ADGRB3: variants seen among roughly 807,000 people sequenced by gnomAD.
ADGRB3 encodes the protein brain-specific angiogenesis inhibitor 3.
In ADGRB3, 37 loss-of-function variants were observed where a neutral mutation model predicts 193.4. The observed-to-expected ratio is 0.19, with a 90% CI of 0.15 to 0.25. The LOEUF (loss-of-function observed/expected upper bound fraction) is 0.25. Among genes scored for constraint, ADGRB3 ranks in the 10% least tolerant of loss-of-function variants. ADGRB3 has a pLI of 1.00. For missense variants in ADGRB3, 1,637 were observed against 1,852.9 expected (o/e 0.88, Z 2.14); for synonymous variants, 690 against 644.2 (o/e 1.07, Z -1.08).
intron 3 of ADGRB3, among the ~76,000 whole-genome samples, chr6:68,855,394 T>C (rs1764953277): frequency 6.6e-6 from 1 of 151,640 alleles, no homozygotes; most frequent in East Asian, 1.9e-4. Flanking sequence ...TTAAACACTT[T>C]AGGGGAAAAA....
chr6:68,671,144 A>G (rs745733557), intron 3 of ADGRB3, among the ~76,000 whole-genome samples: 1 of 151,896 alleles, frequency 6.6e-6, no homozygotes, highest in Non-Finnish European at 1.5e-5. Flanking sequence ...TATCAGTTCT[A>G]ATTGTTTTCT....
chr6:69,214,193 T>C (rs567520126), intron 17 of ADGRB3, among the ~76,000 whole-genome samples: 55 of 152,196 alleles, frequency 3.6e-4, no homozygotes, highest in Admixed American at 1.6e-3. Context: ...TGGACAGGAA[T>C]ATGCAGGAGG....
At chr6:69,088,275 G>T (rs1310057971) in intron 17 of ADGRB3, among the ~76,000 whole-genome samples, 1 of 152,068 alleles carries the variant, frequency 6.6e-6, no homozygotes, top group East Asian at 1.9e-4. Context: ...CAAGTTTTAT[G>T]TATCAATATA....
chr6:69,025,954 G>A (rs906612541), intron 13 of ADGRB3, among the ~76,000 whole-genome samples: 9 of 152,160 alleles, frequency 5.9e-5, no homozygotes, highest in African/African-American at 2.2e-4. Flanking sequence ...TGTGTAATGG[G>A]CTTTCTTGCA....
At chr6:69,134,397 T>G (rs1179970715) in intron 17 of ADGRB3, among the ~76,000 whole-genome samples, 1 of 152,118 alleles carries the variant, frequency 6.6e-6, no homozygotes, top group Non-Finnish European at 1.5e-5. Flanking sequence ...ACACATTACA[T>G]TGTTGTCTCA....
chr6:69,012,247 C>T (rs1282291999), intron 11 of ADGRB3, among the ~76,000 whole-genome samples: 2 of 151,796 alleles, frequency 1.3e-5, no homozygotes, highest in Non-Finnish European at 2.9e-5. Context: ...AATGGAGATG[C>T]AGTTGCACAA....
At chr6:68,787,620 T>G (rs921332003) in intron 3 of ADGRB3, among the ~76,000 whole-genome samples, 4 of 152,278 alleles carry the variant, frequency 2.6e-5, no homozygotes, top group Non-Finnish European at 5.9e-5. Context: ...ATTCTGTTTT[T>G]TGGTTGTGTC....
intron 3 of ADGRB3, among the ~76,000 whole-genome samples, chr6:68,905,092 G>T (rs1254032178): frequency 2.0e-5 from 3 of 152,156 alleles, no homozygotes; most frequent in Admixed American, 1.3e-4. Context: ...TGTATGTCTA[G>T]ATTGTTGGGA....
intron 15 of ADGRB3, among the ~76,000 whole-genome samples, chr6:69,062,549 G>A (rs1164495201): frequency 1.3e-5 from 2 of 151,810 alleles, no homozygotes; most frequent in Admixed American, 6.6e-5. Flanking sequence ...TGCAATAAGA[G>A]TATTTGATCT....
intron 19 of ADGRB3, among the ~76,000 whole-genome samples, chr6:69,238,060 G>A (rs985347050): frequency 9.9e-5 from 15 of 152,008 alleles, no homozygotes; most frequent in Admixed American, 6.6e-4. Context: ...GTGATAAAAC[G>A]TGGGGGTTCT....
At chr6:68,946,572 T>C (rs1767780610) in intron 6 of ADGRB3, among the ~76,000 whole-genome samples, 1 of 152,140 alleles carries the variant, frequency 6.6e-6, no homozygotes, top group Non-Finnish European at 1.5e-5. Flanking sequence ...TAAGCTATCA[T>C]ATTAAAGAAT....
At chr6:68,834,782 A>T (rs1201042724) in intron 3 of ADGRB3, among the ~76,000 whole-genome samples, 3 of 152,184 alleles carry the variant, frequency 2.0e-5, no homozygotes, top group African/African-American at 7.2e-5. Flanking sequence ...CTAAAGCAAG[A>T]AAGTACGAGG....
At chr6:68,831,161 A>C (rs1767944197) in intron 3 of ADGRB3, among the ~76,000 whole-genome samples, 3 of 151,934 alleles carry the variant, frequency 2.0e-5, no homozygotes, top group Admixed American at 2.0e-4. Context: ...GAAGGGGCAC[A>C]TTTGACAAAG....
intron 3 of ADGRB3, among the ~76,000 whole-genome samples, chr6:68,874,922 C>T (rs1455791873): frequency 1.3e-5 from 2 of 152,154 alleles, no homozygotes; most frequent in Non-Finnish European, 2.9e-5. Context: ...AGTAGTAGGG[C>T]AAATGCTCTG....
intron 3 of ADGRB3, among the ~76,000 whole-genome samples, chr6:68,912,385 T>A (rs1449276703): frequency 6.6e-6 from 1 of 152,040 alleles, no homozygotes; most frequent in Non-Finnish European, 1.5e-5. Context: ...ATTGTTATTA[T>A]ACTTTAAGTT....
chr6:68,988,622 T>C (rs1183231081), intron 10 of ADGRB3, among the ~76,000 whole-genome samples: 1 of 152,084 alleles, frequency 6.6e-6, no homozygotes, highest in African/African-American at 2.4e-5. Flanking sequence ...TATTGGAAAT[T>C]AACGCAGGGG....
intron 13 of ADGRB3, among the ~76,000 whole-genome samples, chr6:69,032,024 G>T (rs73745924): frequency 4.5e-4 from 69 of 152,224 alleles, no homozygotes; most frequent in Non-Finnish European, 9.4e-4. Context: ...GAAGTGTTGC[G>T]TAAAGGGGTT....
intron 17 of ADGRB3, among the ~76,000 whole-genome samples, chr6:69,116,358 CA>C (rs1307308479): frequency 6.6e-6 from 1 of 152,180 alleles, no homozygotes; most frequent in African/African-American, 2.4e-5. Flanking sequence ...ACTGCGCCCA[CA>C]CACACCTGTT....
intron 3 of ADGRB3, among the ~76,000 whole-genome samples, chr6:68,884,741 A>G (rs1765857599): frequency 6.6e-6 from 1 of 152,104 alleles, no homozygotes. Context: ...AAAACATAAG[A>G]TGCTGAATGG....
Sources: allele counts gnomAD v4.1 joint callset (sites outside exome capture counted in the v4.1 genomes callset), GRCh38; gene constraint gnomAD v4.1.1; transcripts MANE v1.5; gene names NCBI Gene and HGNC (gene_info 2026-07-23, HGNC 2026-07-21).